The following ATAT1 variants were observed in gnomAD, a reference collection of about 807,000 sequenced individuals.
ATAT1 encodes the protein alpha-tubulin N-acetyltransferase 1.
ATAT1 carries 42 observed loss-of-function variants against 57.2 expected under a neutral mutation model. The ratio of observed to expected loss-of-function variants is 0.73; its 90% CI spans 0.57 to 0.95. ATAT1 has a LOEUF of 0.95. Ranked by LOEUF, ATAT1 falls within the 40% of genes least tolerant of loss-of-function variation. ATAT1 has a pLI of 0.00. For missense variants in ATAT1, 454 were observed against 523.7 expected, an observed-to-expected ratio of 0.87 and a Z score of 1.30; for synonymous variants, 168 against 187.1, an observed-to-expected ratio of 0.90 and a Z score of 0.83.
intron 6 of ATAT1, among the ~76,000 whole-genome samples, chr6:30,634,963 G>A (rs1763752806): frequency 6.6e-6 from 1 of 152,018 alleles, no homozygotes; most frequent in Admixed American, 6.6e-5. Flanking sequence ...ACTCCAGCCT[G>A]GGCAACAGAG....
chr6:30,634,541 C>A (rs1254449398), intron 6 of ATAT1, among the ~76,000 whole-genome samples: 1 of 150,972 alleles, frequency 6.6e-6, no homozygotes, highest in Non-Finnish European at 1.5e-5. Flanking sequence ...GAGCCACCGG[C>A]GCCCAGCCAG....
chr6:30,626,914 T>C lies in ATAT1; in HGVS notation c.-290T>C, dbSNP rs1208983085. On this transcript the variant is annotated 5_prime_UTR_variant, in exon 1 of 13. Coordinates refer to ENST00000330083, the MANE Select transcript of ATAT1 (RefSeq NM_001031722.4). The stretch of plus-strand genomic sequence containing the variant: ...GAGTTCCCGTTCGATGTGGACGCGC[T>C]GTTCCCGGAGCGGATCACGGTGCTG... 6.2e-7 allele frequency: 1 copy of C among 1,609,300 alleles called. No individual in the cohort carries two copies. Among genetic ancestry groups the C allele is most frequent in the Non-Finnish European group, 8.5e-7 (1 of 1,178,668 alleles).
Position 30,645,960 on chromosome 6 carries a change from C to T in ATAT1, c.998C>T (p.Ser333Leu). 6.4e-7 allele frequency: 1 copy of T among 1,551,280 alleles called. No individual in the cohort carries two copies. The highest frequency in any genetic ancestry group is 8.7e-7 in the Non-Finnish European group (1 of 1,148,020). Reference sequence around the variant, plus strand: ...AGCCGCCATGGGGGGGTGAATTCCTCATCCCCCAATACAGGTAAGTATTCA... The same window carrying T: ...AGCCGCCATGGGGGGGTGAATTCCTTATCCCCCAATACAGGTAAGTATTCA... Residue 333 changes from serine (S) to leucine (L), a missense_variant, in exon 11 of 13, where the codon TCA becomes TTA. Coordinates refer to ENST00000330083, the MANE Select transcript of ATAT1 (RefSeq NM_001031722.4).
At chr6:30,644,241 AG>A in intron 10 of ATAT1, 1 of 985,832 alleles carries the variant, frequency 1.0e-6, no homozygotes, top group Non-Finnish European at 1.2e-6. Context: ...CATTTCCCCC[AG>A]ATCCAGATTC....
chr6:30,629,921 G>A (rs1159305185), intron 6 of ATAT1, among the ~76,000 whole-genome samples: 3 of 152,088 alleles, frequency 2.0e-5, no homozygotes, highest in African/African-American at 7.2e-5. Context: ...TTACTCATCT[G>A]GTCAGTCAGT....
intron 8 of ATAT1, 126 bp from the exon 9 acceptor site, chr6:30,642,050 G>C (rs918682125): frequency 7.0e-6 from 11 of 1,561,336 alleles, no homozygotes; most frequent in Non-Finnish European, 9.6e-6. Flanking sequence ...TGCTGCTCCT[G>C]CAAGTTCTCA....
chr6:30,632,440 C>T (rs1763104099), intron 6 of ATAT1, among the ~76,000 whole-genome samples: 1 of 150,832 alleles, frequency 6.6e-6, no homozygotes, highest in Non-Finnish European at 1.5e-5. Flanking sequence ...GGTGTGGTGG[C>T]GGGCACCTGT....
intron 6 of ATAT1, among the ~76,000 whole-genome samples, chr6:30,635,321 G>A (rs918841032): frequency 6.6e-6 from 1 of 152,086 alleles, no homozygotes; most frequent in Non-Finnish European, 1.5e-5. Flanking sequence ...AACTGAGGCC[G>A]GGTGTGGTGG....
chr6:30,644,043 T>C, intron 10 of ATAT1: 1 of 990,896 alleles, frequency 1.0e-6, no homozygotes, highest in Non-Finnish European at 1.2e-6. Context: ...CCTTTGAGCC[T>C]GCGAATGGCC....
intron 10 of ATAT1, chr6:30,643,785 T>C (rs1766053695): frequency 1.5e-6 from 2 of 1,363,516 alleles, no homozygotes; most frequent in South Asian, 2.0e-5. Flanking sequence ...CTCTCCTAAC[T>C]TGGGCTCTGA....
Position 30,642,834 on chromosome 6 carries a change from C to CGGGGGG in ATAT1, c.755_756insGGGGGG (p.Ala252_His253insGlyGly). ...GCCCCTCGCCGCGCCACACCTCCAG[C>CGGGGGG]CCACCCACCCCCCCGCTCCAGCAGC... On this transcript the variant is annotated inframe_insertion, in exon 10 of 13. Transcript: ENST00000330083. 2.4e-6 allele frequency: 1 copy of CGGGGGG among 415,882 alleles called. No homozygotes were observed. Among genetic ancestry groups the CGGGGGG allele is most frequent in the Admixed American group, 3.6e-5 (1 of 28,090 alleles). 25.8% of individuals were successfully genotyped at this position (415,882 alleles called of 1,614,324 possible). A position where few individuals can be genotyped will look rare whatever the true frequency, so the allele number is the denominator to read the frequency against.
intron 10 of ATAT1, chr6:30,644,098 C>T: frequency 1.0e-6 from 1 of 986,762 alleles, no homozygotes; most frequent in Non-Finnish European, 1.2e-6. Context: ...TTAGGTAGAA[C>T]AGGGACTTAC....
chr6:30,643,852 T>G, intron 10 of ATAT1: 2 of 1,300,788 alleles, frequency 1.5e-6, no homozygotes, highest in South Asian at 5.0e-5. Flanking sequence ...AGATGGCTCA[T>G]ACATTTATCT....
At chr6:30,640,706 A>G in intron 8 of ATAT1, 103 bp downstream of exon 8, 1 of 1,339,888 alleles carries the variant, frequency 7.5e-7, no homozygotes, top group Non-Finnish European at 1.0e-6. Context: ...GGAAAATTCT[A>G]AAGCAACCCA....
chr6:30,630,290 T>C (rs1582759914), intron 6 of ATAT1, among the ~76,000 whole-genome samples: 1 of 150,616 alleles, frequency 6.6e-6, no homozygotes, highest in African/African-American at 2.4e-5. Context: ...CACTGCATTA[T>C]AGCCTGGGCA....
chr6:30,642,495 T>A (rs971636202), intron 9 of ATAT1, among the ~76,000 whole-genome samples: 1 of 151,422 alleles, frequency 6.6e-6, no homozygotes, highest in African/African-American at 2.4e-5. Flanking sequence ...ATACAAAAAT[T>A]AGCTGGGCAC....
chr6:30,627,597 G>A, intron 2 of ATAT1, 39 bp from the exon 3 acceptor site: 1 of 1,610,124 alleles, frequency 6.2e-7, no homozygotes. Flanking sequence ...GGGTCCTTCG[G>A]AGAGACTTGC....
intron 6 of ATAT1, among the ~76,000 whole-genome samples, chr6:30,634,982 C>T (rs1056988051): frequency 1.1e-4 from 17 of 152,076 alleles, no homozygotes; most frequent in African/African-American, 3.6e-4. Context: ...AGCGAGACTA[C>T]ATCTCAAAAA....
At position 30,642,833 on chromosome 6, in the gene ATAT1, G is replaced by GGGGCCCCCCCCCCCCCCCCCCCCCCCCC; in HGVS notation, c.754_755insGGGCCCCCCCCCCCCCCCCCCCCCCCCC (p.Ala252GlyfsTer57). On this transcript the variant is annotated frameshift_variant, in exon 10 of 13. Coordinates refer to ENST00000330083, the MANE Select transcript of ATAT1 (RefSeq NM_001031722.4). LOFTEE classifies it high-confidence loss of function. ...GGCCCCTCGCCGCGCCACACCTCCA[G>GGGGCCCCCCCCCCCCCCCCCCCCCCCCC]CCCACCCACCCCCCCGCTCCAGCAG... 2 of 1,537,866 alleles carry GGGGCCCCCCCCCCCCCCCCCCCCCCCCC rather than the reference G, an allele frequency of 1.3e-6. No homozygotes were observed. The highest frequency in any genetic ancestry group is 1.7e-6 in the Non-Finnish European group (2 of 1,145,780).
Sources: gnomAD v4.1 joint callset for allele counts (sites outside exome capture counted in the v4.1 genomes callset) on GRCh38, gnomAD v4.1.1 for gene constraint, MANE v1.5 for transcripts, NCBI Gene and HGNC (gene_info 2026-07-23, HGNC 2026-07-21) for gene names.